Variants in SPDEF observed in about 807,000 individuals in gnomAD.
SPDEF encodes the protein SAM pointed domain containing ETS transcription factor.
In SPDEF, 12 loss-of-function variants were observed where a neutral mutation model predicts 36.0. The ratio of observed to expected loss-of-function variants is 0.33; its 90% CI spans 0.21 to 0.54. The LOEUF is 0.54. SPDEF is among the 20% of genes least tolerant of loss of function. The pLI, the probability that SPDEF is intolerant of heterozygous loss-of-function variation, is 0.93. For synonymous variants in SPDEF, 205 were observed against 193.0 expected, an observed-to-expected ratio of 1.06 and a Z score of -0.51; for missense variants, 388 against 456.9, an observed-to-expected ratio of 0.85 and a Z score of 1.37.
In SPDEF at chr6:34,550,705, G is replaced by C. The variant is rs368054960; in HGVS notation, c.-30+5224C>G. 5.1e-4 allele frequency among the ~76,000 whole-genome samples: 77 copies of C among 152,258 alleles called. No homozygotes were observed. The Middle Eastern group carries it at 0.014, about 27-fold the overall frequency. On this transcript the variant is annotated intron_variant, in intron 1 of 5. Transcript: ENST00000374037. ...GGGGAGCCAGCTAGTGGGCCCAGGA[G>C]CTGGGGTCTGTTGGGGGAAGTACAG...
In SPDEF at chr6:34,539,110, G is replaced by T; in HGVS notation, c.829+140C>A. ...ACCCCAGGGCTGTCCCATGAGAGCT[G>T]CATATTTGGCATCTAGGACAAAGGT... On this transcript the variant is annotated intron_variant, in intron 5 of 5. Transcript: ENST00000374037. This position sits in a 1 kb window ranked among gnomAD's most constrained non-coding sequence, Gnocchi z 5.2. 1 of 947,304 alleles carries T rather than the reference G, an allele frequency of 1.1e-6. No homozygotes were observed. The highest frequency in any genetic ancestry group is 1.6e-6 in the Non-Finnish European group (1 of 622,028). The allele number at this position is 947,304 out of a possible 1,614,324, so 58.7% of individuals were successfully genotyped here. A position where few individuals can be genotyped will look rare whatever the true frequency, so the allele number is the denominator to read the frequency against.
intron 2 of SPDEF, among the ~76,000 whole-genome samples, chr6:34,543,707 G>A (rs903470127): frequency 6.6e-6 from 1 of 152,178 alleles, no homozygotes; most frequent in Non-Finnish European, 1.5e-5. Context: ...ACAGGCCAGT[G>A]TGGCGGGAGC....
intron 1 of SPDEF, among the ~76,000 whole-genome samples, chr6:34,547,072 G>A (rs948275272): frequency 7.1e-6 from 1 of 141,666 alleles, no homozygotes; most frequent in East Asian, 2.3e-4. Context: ...GAGCCCCCAT[G>A]CCTGCCACGT....
Position 34,544,199 on chromosome 6 carries a change from G to A in SPDEF, c.257C>T (p.Pro86Leu), listed in dbSNP as rs1767893692. ...CGGGCACTGCTCAGGCTCCTCAGGT[G>A]GCTCCTCCCGACTGCTGGCCCCAGG... is the stretch of plus-strand genomic sequence containing the variant. The part of the protein sequence containing the change: ...KAPGASSREE[P>L]PEEPEQCPVI... Residue 86 changes from proline (P) to leucine (L), a missense_variant, in exon 2 of 6, where the codon CCA becomes CTA. Transcript: ENST00000374037. This position sits in a 1 kb window ranked among gnomAD's most constrained non-coding sequence, Gnocchi z 4.4. The A allele has an allele frequency of 1.2e-6, 2 of 1,613,752 alleles. No homozygotes were observed. The highest frequency in any genetic ancestry group is 1.7e-6 in the Non-Finnish European group (2 of 1,179,958).
chr6:34,554,596 C>T (rs1006283563), intron 1 of SPDEF, among the ~76,000 whole-genome samples: 25 of 152,260 alleles, frequency 1.6e-4, no homozygotes, highest in African/African-American at 6.0e-4. Context: ...CACACAGCCC[C>T]ACCTGCCTGG....
intron 1 of SPDEF, among the ~76,000 whole-genome samples, chr6:34,553,136 A>G (rs1768098767): frequency 6.6e-6 from 1 of 151,886 alleles, no homozygotes; most frequent in African/African-American, 2.4e-5. Flanking sequence ...GCAGAGTCAC[A>G]CTAAGGTCCC....
At position 34,538,098 on chromosome 6, in the gene SPDEF, G is replaced by A; in HGVS notation, c.*176C>T. On this transcript the variant is annotated 3_prime_UTR_variant, in exon 6 of 6. Coordinates refer to ENST00000374037, the MANE Select transcript of SPDEF (RefSeq NM_012391.3). This position sits in a 1 kb window ranked among gnomAD's most constrained non-coding sequence, Gnocchi z 5.9. The stretch of plus-strand genomic sequence containing the variant: ...GCACCCCTGCCCCAGGGTCCCGAAG[G>A]CCCCAGAGGACCCATATCCCCCTGG... 1.6e-6 allele frequency: 1 copy of A among 622,036 alleles called. No individual in the cohort carries two copies. Among genetic ancestry groups the A allele is most frequent in the East Asian group, 2.8e-5 (1 of 35,720 alleles). The allele number at this position is 622,036 out of a possible 1,614,324, so 38.5% of individuals were successfully genotyped here. A position where few individuals can be genotyped will look rare whatever the true frequency, so the allele number is the denominator to read the frequency against.
intron 1 of SPDEF, among the ~76,000 whole-genome samples, chr6:34,547,972 G>A (rs988366149): frequency 6.6e-6 from 1 of 152,234 alleles, no homozygotes; most frequent in Non-Finnish European, 1.5e-5. Flanking sequence ...CCCAGGCCTA[G>A]AGTAGGGGGG....
intron 1 of SPDEF, among the ~76,000 whole-genome samples, chr6:34,549,873 ACCT>A: frequency 1.3e-5 from 2 of 151,962 alleles, no homozygotes; most frequent in South Asian, 4.2e-4. Flanking sequence ...TGGGGAACAG[ACCT>A]CCTCTGGCTT....
intron 2 of SPDEF, 102 bp downstream of exon 2, chr6:34,543,918 A>G: frequency 1.7e-6 from 2 of 1,165,510 alleles, no homozygotes; most frequent in Non-Finnish European, 2.4e-6. Context: ...AGGCTGGGCC[A>G]GAGGTGGCCA....
At chr6:34,553,460 T>G (rs1357358095) in intron 1 of SPDEF, among the ~76,000 whole-genome samples, 1 of 152,108 alleles carries the variant, frequency 6.6e-6, no homozygotes, top group Non-Finnish European at 1.5e-5. Context: ...AGAAAAGGTT[T>G]GATCCCTGAC....
rs1030026279 is a variant in SPDEF, at chr6:34,555,173, G to A, written c.-30+756C>T. Among the ~76,000 whole-genome samples the A allele has an allele frequency of 1.3e-5, 2 of 151,256 alleles. No homozygotes were observed. The highest frequency in any genetic ancestry group is 1.9e-4 in the East Asian group (1 of 5,150). ...CCACCAGCCTCAGGGGCACCCAGTC[G>A]CCCAGGCCCTTCAGCTTCCCACCCT... is the stretch of plus-strand genomic sequence containing the variant. On this transcript the variant is annotated intron_variant, in intron 1 of 5. Coordinates refer to ENST00000374037, the MANE Select transcript of SPDEF (RefSeq NM_012391.3). This position sits in a 1 kb window ranked among gnomAD's most constrained non-coding sequence, Gnocchi z 5.2.
At position 34,552,535 on chromosome 6, in the gene SPDEF, G is replaced by A. The variant is rs1409768419; in HGVS notation, c.-30+3394C>T. On this transcript the variant is annotated intron_variant, in intron 1 of 5. Coordinates refer to ENST00000374037, the MANE Select transcript of SPDEF (RefSeq NM_012391.3). This position sits in a 1 kb window ranked among gnomAD's most constrained non-coding sequence, Gnocchi z 4.6. ...GGTGACTGCTGTCTCCATCTGCCGT[G>A]TTTCTGCGGCCCCTCCAGACCCAGC... Among the ~76,000 whole-genome samples, 2 of 152,190 alleles carry A rather than the reference G, an allele frequency of 1.3e-5. No homozygotes were observed. The highest frequency in any genetic ancestry group is 2.9e-5 in the Non-Finnish European group (2 of 68,040).
intron 1 of SPDEF, among the ~76,000 whole-genome samples, chr6:34,551,318 A>G (rs1203205728): frequency 6.6e-6 from 1 of 152,178 alleles, no homozygotes; most frequent in Non-Finnish European, 1.5e-5. Context: ...CGCAGCCCCA[A>G]GTGGACCATC....
chr6:34,553,026 G>A (rs993944762), intron 1 of SPDEF, among the ~76,000 whole-genome samples: 4 of 152,142 alleles, frequency 2.6e-5, no homozygotes, highest in African/African-American at 7.2e-5. Flanking sequence ...CTCCAGCCAC[G>A]TCTCCCCTGT....
chr6:34,543,983 C>A, intron 2 of SPDEF, 37 bp downstream of exon 2: 1 of 1,589,722 alleles, frequency 6.3e-7, no homozygotes, highest in Non-Finnish European at 8.5e-7. Context: ...TTGCCTGTGA[C>A]CCATCTTACG....
intron 2 of SPDEF, among the ~76,000 whole-genome samples, chr6:34,541,932 A>G (rs76015434): frequency 0.067 from 10,176 of 152,256 alleles, 657 homozygotes; most frequent in African/African-American, 0.16. Context: ...AGTGAACACC[A>G]TGGTCCAGCC....
At chr6:34,542,919 C>T (rs1004940198) in intron 2 of SPDEF, among the ~76,000 whole-genome samples, 141 of 141,334 alleles carry the variant, frequency 1.0e-3, no homozygotes, top group African/African-American at 3.5e-3. Flanking sequence ...AGAGGCTGGG[C>T]GCGGTGGCTC....
intron 1 of SPDEF, among the ~76,000 whole-genome samples, chr6:34,549,522 C>T (rs1768017518): frequency 6.6e-6 from 1 of 152,184 alleles, no homozygotes; most frequent in African/African-American, 2.4e-5. Context: ...CTGGCATCAG[C>T]AAAAGATGCC....
Sources: gnomAD v4.1 joint callset for allele counts (sites outside exome capture counted in the v4.1 genomes callset) on GRCh38, gnomAD v4.1.1 for gene constraint, Gnocchi (gnomAD v3.1) non-coding constraint, MANE v1.5 for transcripts, NCBI Gene and HGNC (gene_info 2026-07-23, HGNC 2026-07-21) for gene names.